PTPRO: variants seen among roughly 807,000 people sequenced by gnomAD.
PTPRO encodes the protein protein tyrosine phosphatase receptor type O, also known as receptor-type tyrosine-protein phosphatase O.
In PTPRO, 62 loss-of-function variants were observed where a neutral mutation model predicts 145.2. The ratio of observed to expected loss-of-function variants is 0.43; its 90% CI spans 0.35 to 0.53. The LOEUF is 0.53. Among genes scored for constraint, PTPRO ranks in the 20% least tolerant of loss-of-function variants. The pLI is 0.01. For missense variants in PTPRO, 1,345 were observed against 1,482.7 expected, an observed-to-expected ratio of 0.91 and a Z score of 1.53; for synonymous variants, 565 against 514.7, an observed-to-expected ratio of 1.10 and a Z score of -1.32.
chr12:15,388,512 A>G (rs1272037527), intron 1 of PTPRO, among the ~76,000 whole-genome samples: 1 of 152,208 alleles, frequency 6.6e-6, no homozygotes. Context: ...GAGAATAATG[A>G]AACACCTAAA....
chr12:15,388,538 T>A (rs903786205), intron 1 of PTPRO, among the ~76,000 whole-genome samples: 1 of 152,200 alleles, frequency 6.6e-6, no homozygotes, highest in Non-Finnish European at 1.5e-5. Flanking sequence ...AAGGCACTAG[T>A]GTCTGAGCAG....
intron 1 of PTPRO, among the ~76,000 whole-genome samples, chr12:15,431,577 A>G (rs1461036): frequency 0.73 from 111,229 of 152,030 alleles, 40,796 homozygotes; most frequent in East Asian, 0.77. Context: ...AATTTCAATT[A>G]TTCTAATAAT....
rs557282690 is a variant in PTPRO at position 15,356,846 on chromosome 12, A to C, written c.75+34045A>C. On this transcript the variant is annotated intron_variant, in intron 1 of 26. Transcript: ENST00000281171. ...ATAACTATTTTTTAATCACCTTTTT[A>C]TTATACATCTTTTCTCCTTTCTGTG... Among the ~76,000 whole-genome samples the C allele has an allele frequency of 2.6e-5, 4 of 151,918 alleles. No homozygotes were observed. In the South Asian group the frequency reaches 8.3e-4, roughly 32 times the overall value.
chr12:15,584,331 T>A (rs1944386194), intron 23 of PTPRO, among the ~76,000 whole-genome samples: 1 of 152,246 alleles, frequency 6.6e-6, no homozygotes, highest in South Asian at 2.1e-4. Flanking sequence ...TCTTAGATAT[T>A]TCAATTGAAA....
At chr12:15,423,252 A>G (rs1008294917) in intron 1 of PTPRO, among the ~76,000 whole-genome samples, 7 of 152,274 alleles carry the variant, frequency 4.6e-5, no homozygotes, top group Admixed American at 1.3e-4. Context: ...TCTATAAAAC[A>G]AGATGGCTGG....
chr12:15,514,834 G>T (rs1942542773), intron 7 of PTPRO, among the ~76,000 whole-genome samples: 1 of 151,950 alleles, frequency 6.6e-6, no homozygotes, highest in East Asian at 1.9e-4. Context: ...CACAAACTCG[G>T]CTCACTGCAC....
chr12:15,562,581 T>C (rs1302221353), intron 17 of PTPRO, among the ~76,000 whole-genome samples: 4 of 152,122 alleles, frequency 2.6e-5, no homozygotes, highest in African/African-American at 7.2e-5. Flanking sequence ...AATCTCTTCC[T>C]GGGGTGGTAG....
intron 26 of PTPRO, chr12:15,595,260 T>C (rs538905995): frequency 1.8e-6 from 1 of 548,296 alleles, no homozygotes; most frequent in Admixed American, 2.7e-5. Context: ...TGCACCTTGG[T>C]TGGTGTTGGC....
chr12:15,344,925 T>C (rs1395356628), intron 1 of PTPRO, among the ~76,000 whole-genome samples: 1 of 152,246 alleles, frequency 6.6e-6, no homozygotes, highest in Non-Finnish European at 1.5e-5. Flanking sequence ...GGATATGATT[T>C]CCACTGGGTG....
At chr12:15,402,473 T>C (rs912469062) in intron 1 of PTPRO, among the ~76,000 whole-genome samples, 2 of 152,074 alleles carry the variant, frequency 1.3e-5, no homozygotes, top group African/African-American at 4.8e-5. Flanking sequence ...CCTAGTGGAA[T>C]CCTCAACTAC....
chr12:15,567,458 C>T (rs1489297069), intron 18 of PTPRO, among the ~76,000 whole-genome samples: 2 of 151,944 alleles, frequency 1.3e-5, no homozygotes, highest in African/African-American at 4.8e-5. Flanking sequence ...TTCTCCTTGT[C>T]ATTCTCCTTC....
intron 5 of PTPRO, among the ~76,000 whole-genome samples, chr12:15,502,843 CT>C (rs1942249135): frequency 6.6e-6 from 1 of 151,834 alleles, no homozygotes; most frequent in South Asian, 2.1e-4. Context: ...ATTTTCTGAT[CT>C]AGTAGTTTGA....
intron 6 of PTPRO, among the ~76,000 whole-genome samples, chr12:15,505,454 C>A (rs11056529): frequency 6.6e-6 from 1 of 152,124 alleles, no homozygotes; most frequent in Admixed American, 6.6e-5. Context: ...GTATCTAAAG[C>A]GACTAGTGCC....
At chr12:15,527,783 G>A (rs941710305) in intron 12 of PTPRO, among the ~76,000 whole-genome samples, 2 of 152,126 alleles carry the variant, frequency 1.3e-5, no homozygotes, top group Non-Finnish European at 2.9e-5. Flanking sequence ...ACAAGGCAAG[G>A]CAGACAAAGG....
chr12:15,336,293 G>A lies in PTPRO; in HGVS notation c.75+13492G>A, dbSNP rs543352897. Reference sequence around the variant, plus strand: ...TGCTTTTTTCACTTAAAGGTATTGTGATAATTTTTTTCAAGACCTGAACAT... The same window carrying A: ...TGCTTTTTTCACTTAAAGGTATTGTAATAATTTTTTTCAAGACCTGAACAT... On this transcript the variant is annotated intron_variant, in intron 1 of 26. Coordinates refer to ENST00000281171, the MANE Select transcript of PTPRO (RefSeq NM_030667.3). Among the ~76,000 whole-genome samples the A allele has an allele frequency of 2.0e-5, 3 of 151,430 alleles. No individual in the cohort carries two copies. The East Asian group carries it at 5.8e-4, about 29-fold the overall frequency.
At chr12:15,541,295 C>T (rs1321567313) in intron 12 of PTPRO, among the ~76,000 whole-genome samples, 1 of 152,192 alleles carries the variant, frequency 6.6e-6, no homozygotes, top group Admixed American at 6.5e-5. Flanking sequence ...ATTTCATTTA[C>T]TCTTCTCAAC....
intron 10 of PTPRO, among the ~76,000 whole-genome samples, chr12:15,524,157 T>A (rs944686771): frequency 8.5e-5 from 11 of 129,110 alleles, no homozygotes; most frequent in African/African-American, 2.3e-4. Context: ...GCTTCGTGGC[T>A]AAAAAAAAAA....
At chr12:15,561,128 C>T (rs1943762406) in intron 17 of PTPRO, among the ~76,000 whole-genome samples, 1 of 152,000 alleles carries the variant, frequency 6.6e-6, no homozygotes, top group Non-Finnish European at 1.5e-5. Flanking sequence ...AAATCATTGT[C>T]CTTAAATATT....
chr12:15,444,707 T>G (rs1347746056), intron 1 of PTPRO, among the ~76,000 whole-genome samples: 1 of 151,936 alleles, frequency 6.6e-6, no homozygotes, highest in African/African-American at 2.4e-5. Flanking sequence ...CCTCCCACCA[T>G]GTGATGACAC....
Sources: gnomAD v4.1 joint callset for allele counts (sites outside exome capture counted in the v4.1 genomes callset) on GRCh38, gnomAD v4.1.1 for gene constraint, MANE v1.5 for transcripts, NCBI Gene and HGNC (gene_info 2026-07-23, HGNC 2026-07-21) for gene names.